Variants in PATL2 observed in about 807,000 individuals in gnomAD.
PATL2 encodes PAT1 homolog 2, also known as protein PAT1 homolog 2.
A neutral mutation model predicts 77.0 loss-of-function variants in PATL2; 73 were observed. The ratio of observed to expected loss-of-function variants is 0.95; its 90% CI spans 0.78 to 1.15. The LOEUF is 1.15. Among genes scored for constraint, PATL2 ranks in the 50% most tolerant of loss-of-function variants. PATL2 has a pLI of 0.00. For missense variants in PATL2, 618 were observed against 655.4 expected (o/e 0.94, Z 0.62); for synonymous variants, 265 against 257.1 (o/e 1.03, Z -0.29).
intron 4 of PATL2, chr15:44,676,247 A>G: frequency 1.8e-6 from 1 of 557,386 alleles, no homozygotes; most frequent in Non-Finnish European, 3.3e-6. Flanking sequence ...TTCATTTAAC[A>G]GTAATATGAG....
chr15:44,670,948 A>G (rs767175813), intron 9 of PATL2, among the ~76,000 whole-genome samples: 7 of 152,244 alleles, frequency 4.6e-5, no homozygotes, highest in Non-Finnish European at 1.0e-4. Context: ...CAGCTCTGAC[A>G]TTTTCTTAAA....
At chr15:44,669,619 C>T in intron 11 of PATL2, 56 bp from the exon 12 acceptor site, 1 of 1,533,778 alleles carries the variant, frequency 6.5e-7, no homozygotes, top group Non-Finnish European at 8.8e-7. Flanking sequence ...CAGCCCTAGC[C>T]CAGGCCCCCA....
At chr15:44,674,061 G>A in intron 6 of PATL2, 89 bp downstream of exon 6, 2 of 1,250,304 alleles carry the variant, frequency 1.6e-6, no homozygotes, top group Non-Finnish European at 1.1e-6. Flanking sequence ...CACTTTGGGT[G>A]CCTTAACTCC....
intron 3 of PATL2, among the ~76,000 whole-genome samples, chr15:44,706,860 T>TG (rs1439901415): frequency 6.6e-6 from 1 of 152,220 alleles, no homozygotes; most frequent in Non-Finnish European, 1.5e-5. Context: ...TCCCCCAGCC[T>TG]GGGGTGAATC....
Position 44,670,191 on chromosome 15 carries a change from TTG to T in PATL2, c.658-106_658-105del, listed in dbSNP as rs1027332644. ...GTGCAGCCTCTTAAGTTTAGTTTTT[TTG>T]TGTGTGTTATAAGTTTTGTTGTTTG... On this transcript the variant is annotated intron_variant, in intron 9 of 17. Coordinates refer to ENST00000682850, the MANE Select transcript of PATL2 (RefSeq NM_001387263.1). The T allele has an allele frequency of 7.7e-6, 11 of 1,434,124 alleles. 1 individual carries two copies. The South Asian group carries it at 1.5e-4, about 20-fold the overall frequency. 88.8% of individuals were successfully genotyped at this position (1,434,124 alleles called of 1,614,324 possible).
chr15:44,708,253 T>C (rs1252522541), intron 3 of PATL2, among the ~76,000 whole-genome samples: 1 of 150,798 alleles, frequency 6.6e-6, no homozygotes, highest in Admixed American at 6.6e-5. Flanking sequence ...TGGATCATTA[T>C]TCAATTTGGT....
intron 3 of PATL2, among the ~76,000 whole-genome samples, chr15:44,687,420 G>T (rs2086283587): frequency 6.6e-6 from 1 of 152,130 alleles, no homozygotes; most frequent in South Asian, 2.1e-4. Context: ...AATAATAAGA[G>T]CTATTTATGA....
chr15:44,676,637 T>C (rs2085970317), intron 3 of PATL2, 72 bp from the exon 4 acceptor site: 4 of 1,375,980 alleles, frequency 2.9e-6, no homozygotes, highest in African/African-American at 1.4e-5. Flanking sequence ...AAAACAGCCA[T>C]GGAATCCTCC....
chr15:44,679,219 T>A (rs2099979067), intron 3 of PATL2, among the ~76,000 whole-genome samples: 1 of 151,678 alleles, frequency 6.6e-6, no homozygotes, highest in East Asian at 1.9e-4. Flanking sequence ...CACACCACCA[T>A]GCCTGGCCAA....
At chr15:44,670,137 T>C (rs1199128325) in intron 9 of PATL2, 50 bp from the exon 10 acceptor site, 1 of 1,535,524 alleles carries the variant, frequency 6.5e-7, no homozygotes, top group Admixed American at 2.2e-5. Flanking sequence ...CTTATATTCA[T>C]CTTTTGAATT....
Position 44,672,051 on chromosome 15 carries a change from C to T in PATL2, c.621G>A (p.Gln207=). 1 of 1,551,750 alleles carries T rather than the reference C, an allele frequency of 6.4e-7. No individual in the cohort carries two copies. The highest frequency in any genetic ancestry group is 8.7e-7 in the Non-Finnish European group (1 of 1,147,008). Residue 207 remains glutamine, a synonymous_variant, in exon 9 of 18, where the codon CAG becomes CAA. Coordinates refer to ENST00000682850, the MANE Select transcript of PATL2 (RefSeq NM_001387263.1). ...AGTCATCCAGGCGGGGTTTTGCACT[C>T]TGCAGCTGCACCATCTGCACTTTTA... ...WVIKVQMVQL[Q]SAKPRLDDYY... is the part of the protein sequence containing the mutation.
Position 44,665,746 on chromosome 15 carries a change from CTT to C in PATL2, c.*205_*206del. 1 of 1,378,508 alleles carries C rather than the reference CTT, an allele frequency of 7.3e-7. No individual in the cohort carries two copies. The highest frequency in any genetic ancestry group is 9.6e-7 in the Non-Finnish European group (1 of 1,045,712). The allele number at this position is 1,378,508 out of a possible 1,614,324, so 85.4% of individuals were successfully genotyped here. ...GTTCCAACACATCATTCTATTATCT[CTT>C]TAATTATACCTTATTATGCCATGTC... On this transcript the variant is annotated 3_prime_UTR_variant, in exon 18 of 18. Transcript: ENST00000682850.
intron 4 of PATL2, 73 bp from the exon 5 acceptor site, chr15:44,675,764 A>C: frequency 8.0e-7 from 1 of 1,247,234 alleles, no homozygotes; most frequent in Non-Finnish European, 1.1e-6. Context: ...AGAGGCTGCT[A>C]CTCAATAGCA....
chr15:44,675,662 A>C lies in PATL2; in HGVS notation c.46T>G (p.Ser16Ala). ...GPGKTCGPLA[S>A]EEELVSACQL... ...CAGGCAGACACCAGCTCCTCCTCAG[A>C]AGCCAAGGGGCCACAGGTCTTACCT... The change falls in exon 5 of 18, where the codon TCT (serine) becomes GCT (alanine). Residue 16 changes from serine (S) to alanine (A), a missense_variant. Transcript: ENST00000682850. The C allele has an allele frequency of 6.4e-7, 1 of 1,551,196 alleles. No homozygotes were observed. The highest frequency in any genetic ancestry group is 8.7e-7 in the Non-Finnish European group (1 of 1,146,702).
At position 44,669,383 on chromosome 15, in the gene PATL2, C is replaced by T. The variant is rs1366985204; in HGVS notation, c.961G>A (p.Gly321Ser). ...MFLQLLEIEE[G>S]WKYRPPPPCF... Reference sequence around the variant, plus strand: ...GGCGGTGGAGGCCTATACTTCCAGCCTTCCTCTATTTCTAGTAACTGAAGG... The same window carrying T: ...GGCGGTGGAGGCCTATACTTCCAGCTTTCCTCTATTTCTAGTAACTGAAGG... Residue 321 changes from glycine to serine, a missense_variant, in exon 13 of 18, where the codon GGC (glycine) becomes AGC (serine). Physicochemically the swap from Gly to Ser is moderately conservative, Grantham distance 56. Transcript: ENST00000682850. 1 of 1,551,494 alleles carries T rather than the reference C, an allele frequency of 6.4e-7. No homozygotes were observed. Among genetic ancestry groups the T allele is most frequent in the Admixed American group, 2.0e-5 (1 of 50,994 alleles).
chr15:44,701,069 T>G (rs976650400), intron 3 of PATL2, among the ~76,000 whole-genome samples: 1 of 151,216 alleles, frequency 6.6e-6, no homozygotes, highest in African/African-American at 2.5e-5. Flanking sequence ...TATATCACAT[T>G]GATTGATTTG....
intron 3 of PATL2, among the ~76,000 whole-genome samples, chr15:44,684,941 T>C (rs2086220502): frequency 2.6e-5 from 4 of 152,190 alleles, no homozygotes; most frequent in African/African-American, 9.7e-5. Context: ...GGGACCAATA[T>C]TTAACATTCT....
chr15:44,683,658 T>C (rs1404441306), intron 3 of PATL2, among the ~76,000 whole-genome samples: 3 of 152,164 alleles, frequency 2.0e-5, no homozygotes, highest in Non-Finnish European at 4.4e-5. Context: ...GGGGCAGCTG[T>C]GGGCACAGCT....
At chr15:44,698,496 T>G (rs1281249041) in intron 3 of PATL2, among the ~76,000 whole-genome samples, 1 of 152,116 alleles carries the variant, frequency 6.6e-6, no homozygotes, top group Non-Finnish European at 1.5e-5. Context: ...ACAAAGTTTG[T>G]CTTTCTATGC....
Sources: allele counts gnomAD v4.1 joint callset (sites outside exome capture counted in the v4.1 genomes callset), GRCh38; gene constraint gnomAD v4.1.1; transcripts MANE v1.5; gene names NCBI Gene and HGNC (gene_info 2026-07-23, HGNC 2026-07-21).